The following ANKRD10 variants were observed in gnomAD, a reference collection of about 807,000 sequenced individuals.
ANKRD10 encodes ankyrin repeat domain 10.
A neutral mutation model predicts 27.0 loss-of-function variants in ANKRD10; 14 were observed. The observed-to-expected ratio is 0.52, with a 90% CI of 0.34 to 0.81. The LOEUF (loss-of-function observed/expected upper bound fraction) is 0.81, where lower values mean the gene tolerates loss of function less well. ANKRD10 is among the 40% of genes least tolerant of loss of function. The pLI, the probability that ANKRD10 is intolerant of heterozygous loss-of-function variation, is 0.01. For synonymous variants in ANKRD10, 250 were observed against 224.5 expected (o/e 1.11, Z -1.01); for missense variants, 493 against 544.0 (o/e 0.91, Z 0.93).
intron 4 of ANKRD10, among the ~76,000 whole-genome samples, chr13:110,890,506 A>G (rs914223931): frequency 6.6e-6 from 1 of 152,262 alleles, no homozygotes; most frequent in Non-Finnish European, 1.5e-5. Context: ...TGTCAACTAC[A>G]TAAAAGACAG....
chr13:110,899,348 C>A (rs899412113), intron 3 of ANKRD10, among the ~76,000 whole-genome samples: 4 of 152,200 alleles, frequency 2.6e-5, no homozygotes, highest in African/African-American at 7.2e-5. Context: ...AACTTAGCAT[C>A]CCCAGTTTGA....
intron 3 of ANKRD10, among the ~76,000 whole-genome samples, chr13:110,895,621 A>G (rs972945963): frequency 6.6e-6 from 1 of 152,184 alleles, no homozygotes; most frequent in Non-Finnish European, 1.5e-5. Flanking sequence ...CGCTGAGGGA[A>G]GTTTAGATGC....
chr13:110,896,995 A>C (rs76271528), intron 3 of ANKRD10, among the ~76,000 whole-genome samples: 7 of 149,244 alleles, frequency 4.7e-5, no homozygotes, highest in Non-Finnish European at 8.9e-5. Context: ...ATTAAAAAAA[A>C]CCAGCATAAT....
chr13:110,914,558 G>A (rs963170382), intron 1 of ANKRD10, 167 bp downstream of exon 1: 5 of 977,102 alleles, frequency 5.1e-6, no homozygotes, highest in Admixed American at 8.7e-5. Context: ...TCCGGGCCGC[G>A]AGCGCTGCCG....
chr13:110,900,407 G>T, intron 3 of ANKRD10: 2 of 581,232 alleles, frequency 3.4e-6, no homozygotes, highest in Non-Finnish European at 4.5e-6. Flanking sequence ...TCTCAACTTA[G>T]CTATTGTTAG....
chr13:110,893,019 C>G lies in ANKRD10; in HGVS notation c.691+9G>C. On this transcript the variant is annotated intron_variant, in intron 4 of 5. Coordinates refer to ENST00000267339, the MANE Select transcript of ANKRD10 (RefSeq NM_017664.4). ...AAGTGTGCTCTTCCCACCCGCAAAGCGGTCTCACCTTCAGTTCTAGCTTTC... is the reference window on the plus strand; with the variant it reads ...AAGTGTGCTCTTCCCACCCGCAAAGGGGTCTCACCTTCAGTTCTAGCTTTC... 1 of 1,612,998 alleles carries G rather than the reference C, an allele frequency of 6.2e-7. No individual in the cohort carries two copies. The highest frequency in any genetic ancestry group is 1.1e-5 in the South Asian group (1 of 90,952).
Position 110,914,993 on chromosome 13 carries a change from G to T in ANKRD10, c.-59C>A. 6.7e-7 allele frequency: 1 copy of T among 1,492,746 alleles called. No individual in the cohort carries two copies. 92.5% of individuals were successfully genotyped at this position (1,492,746 alleles called of 1,614,324 possible). On this transcript the variant is annotated 5_prime_UTR_variant, in exon 1 of 6. Transcript: ENST00000267339. The stretch of plus-strand genomic sequence containing the variant: ...CTAGAGGACGCGTCGGGGAGGACTC[G>T]AGAAGCCGCCGCCGCAGCACAAAGG...
rs149851897 is a variant in ANKRD10, at chr13:110,906,243, G to C, written c.364-119C>G. 189 of 758,580 alleles carry C rather than the reference G, an allele frequency of 2.5e-4. No individual in the cohort carries two copies. The African/African-American group carries it at 3.1e-3, about 12-fold the overall frequency. The allele number at this position is 758,580 out of a possible 1,614,324, so 47.0% of individuals were successfully genotyped here. ...ATCCTTTTTTGAAGTAAAACATGTT[G>C]AGCAAGATCTGAAGCAGAACACAAA... On this transcript the variant is annotated intron_variant, in intron 2 of 5. Coordinates refer to ENST00000267339, the MANE Select transcript of ANKRD10 (RefSeq NM_017664.4).
intron 5 of ANKRD10, 106 bp from the exon 6 acceptor site, chr13:110,880,218 T>C (rs1257850754): frequency 4.0e-6 from 4 of 1,010,362 alleles, no homozygotes; most frequent in Non-Finnish European, 4.2e-6. Context: ...TAGTTTCTTT[T>C]TTTTCCTTTT....
intron 1 of ANKRD10, among the ~76,000 whole-genome samples, 200 bp from the exon 2 acceptor site, chr13:110,910,970 C>T (rs577635206): frequency 3.1e-4 from 47 of 152,110 alleles, no homozygotes; most frequent in East Asian, 1.9e-4. Flanking sequence ...ATGAAAAAGA[C>T]GGTAGATAGA....
At chr13:110,910,024 C>G (rs1461847209) in intron 2 of ANKRD10, among the ~76,000 whole-genome samples, 4 of 152,210 alleles carry the variant, frequency 2.6e-5, no homozygotes, top group Admixed American at 6.5e-5. Context: ...TTGTCTCACA[C>G]AACTAAGTAC....
intron 3 of ANKRD10, chr13:110,900,434 T>C (rs1045936557): frequency 6.6e-6 from 6 of 903,552 alleles, no homozygotes; most frequent in African/African-American, 5.4e-5. Flanking sequence ...AATAGAAAGG[T>C]AGATATCATA....
chr13:110,914,520 C>T, intron 1 of ANKRD10: 2 of 607,296 alleles, frequency 3.3e-6, no homozygotes, highest in Non-Finnish European at 4.7e-6. Flanking sequence ...CGCTTCCGCC[C>T]CGCGCCCCCC....
intron 3 of ANKRD10, chr13:110,894,845 C>T (rs1265330786): frequency 2.0e-5 from 3 of 152,078 alleles, no homozygotes; most frequent in Non-Finnish European, 4.4e-5. Flanking sequence ...GAAAAGGAAG[C>T]ACCAAAGTTT....
At position 110,883,744 on chromosome 13, in the gene ANKRD10, G is replaced by A. The variant is rs1004736693; in HGVS notation, c.741C>T (p.Asp247=). The A allele has an allele frequency of 3.1e-6, 5 of 1,613,976 alleles. No individual in the cohort carries two copies. In the African/African-American group the frequency reaches 5.3e-5, roughly 17 times the overall value. Residue 247 remains aspartate (D), a synonymous_variant, in exon 5 of 6, where the codon GAC becomes GAT. Transcript: ENST00000267339. ...TATCAACGTGCATTTTGTCAGCATC[G>A]TCTTCTGTGTCGCCATTCGTGAGTG... is the stretch of plus-strand genomic sequence containing the variant. ...AVPLTNGDTE[D]DADKMHVDRE...
chr13:110,910,500 C>T lies in ANKRD10; in HGVS notation c.363+118G>A. The T allele has an allele frequency of 3.1e-6, 4 of 1,277,900 alleles. No homozygotes were observed. The South Asian group carries it at 5.7e-5, about 18-fold the overall frequency. The allele number at this position is 1,277,900 out of a possible 1,614,324, so 79.2% of individuals were successfully genotyped here. A position where few individuals can be genotyped will look rare whatever the true frequency, so the allele number is the denominator to read the frequency against. On this transcript the variant is annotated intron_variant, in intron 2 of 5. Transcript: ENST00000267339. ...CTGAAGAAACATAAATTCCAGTCTG[C>T]CCTCAGGTAAAGATATCAAACTCTA...
intron 4 of ANKRD10, among the ~76,000 whole-genome samples, chr13:110,885,744 G>A (rs1438989504): frequency 5.7e-5 from 8 of 139,708 alleles, no homozygotes; most frequent in African/African-American, 1.7e-4. Flanking sequence ...AGCCACACAC[G>A]AACACGGTTT....
chr13:110,903,328 T>C (rs1281039039), intron 3 of ANKRD10: 1 of 150,296 alleles, frequency 6.7e-6, no homozygotes, highest in African/African-American at 2.4e-5. Flanking sequence ...GATTTAATCC[T>C]GTGCGTTTTA....
At chr13:110,886,087 G>C (rs1029454428) in intron 4 of ANKRD10, among the ~76,000 whole-genome samples, 1 of 152,224 alleles carries the variant, frequency 6.6e-6, no homozygotes, top group African/African-American at 2.4e-5. Context: ...AACCTGAGGA[G>C]TCACAACCAT....
Sources: gnomAD v4.1 joint callset for allele counts (sites outside exome capture counted in the v4.1 genomes callset) on GRCh38, gnomAD v4.1.1 for gene constraint, MANE v1.5 for transcripts, NCBI Gene and HGNC (gene_info 2026-07-23, HGNC 2026-07-21) for gene names.